The following SNTG1 variants were observed in gnomAD, a reference collection of about 807,000 sequenced individuals.
The protein encoded by SNTG1 is syntrophin gamma 1, also known as gamma-1-syntrophin.
SNTG1 carries 39 observed loss-of-function variants against 74.7 expected under a neutral mutation model. That is an observed-to-expected ratio of 0.52 (90% CI 0.40 to 0.68). The LOEUF (loss-of-function observed/expected upper bound fraction) is 0.68, where lower values mean the gene tolerates loss of function less well. Ranked by LOEUF, SNTG1 falls within the 30% of genes least tolerant of loss-of-function variation. The pLI is 0.00. For missense variants in SNTG1, 685 were observed against 609.5 expected (o/e 1.12, Z -1.30); for synonymous variants, 254 against 217.1 (o/e 1.17, Z -1.49).
intron 2 of SNTG1, among the ~76,000 whole-genome samples, chr8:50,334,664 A>T (rs1217848721): frequency 6.6e-6 from 1 of 152,214 alleles, no homozygotes; most frequent in Non-Finnish European, 1.5e-5. Context: ...AAGTCCAGAA[A>T]TGCCCATTGC....
chr8:50,598,510 G>A (rs986845488), intron 13 of SNTG1, among the ~76,000 whole-genome samples: 10 of 151,728 alleles, frequency 6.6e-5, no homozygotes, highest in Non-Finnish European at 8.8e-5. Context: ...AAGTCATGTC[G>A]TGTGATGCCT....
intron 2 of SNTG1, among the ~76,000 whole-genome samples, chr8:50,292,341 G>T (rs1009049361): frequency 2.6e-5 from 4 of 152,122 alleles, no homozygotes; most frequent in African/African-American, 9.7e-5. Context: ...GTGTAATGTG[G>T]TATGAGCCAA....
At chr8:50,081,107 A>C (rs1822362780) in intron 1 of SNTG1, among the ~76,000 whole-genome samples, 1 of 152,176 alleles carries the variant, frequency 6.6e-6, no homozygotes, top group South Asian at 2.1e-4. Context: ...ATGTATGCCC[A>C]CATATTTACC....
At chr8:50,695,391 ATAGTT>A (rs932441150) in intron 15 of SNTG1, among the ~76,000 whole-genome samples, 105 of 152,106 alleles carry the variant, frequency 6.9e-4, no homozygotes, top group African/African-American at 2.4e-3. Flanking sequence ...ACAGTCAAGT[ATAGTT>A]TATTTACTGA....
intron 1 of SNTG1, among the ~76,000 whole-genome samples, chr8:50,030,429 G>A (rs1393377971): frequency 1.9e-4 from 29 of 151,952 alleles, no homozygotes; most frequent in Non-Finnish European, 4.4e-5. Context: ...CTAGCTATAG[G>A]TCCCAAAGAT....
chr8:50,309,688 T>C (rs1397254925), intron 2 of SNTG1, among the ~76,000 whole-genome samples: 1 of 152,202 alleles, frequency 6.6e-6, no homozygotes, highest in African/African-American at 2.4e-5. Context: ...GGTATGCAGC[T>C]ATTTTAAAGA....
chr8:50,159,839 G>A (rs917445829), intron 1 of SNTG1, among the ~76,000 whole-genome samples: 12 of 152,068 alleles, frequency 7.9e-5, no homozygotes, highest in African/African-American at 2.9e-4. Context: ...TATATGACAA[G>A]GAATCACAGT....
At chr8:49,990,162 A>G (rs917841734) in intron 1 of SNTG1, among the ~76,000 whole-genome samples, 1 of 151,984 alleles carries the variant, frequency 6.6e-6, no homozygotes, top group African/African-American at 2.4e-5. Context: ...TAGAAATCAT[A>G]TGATCTTGTA....
intron 2 of SNTG1, among the ~76,000 whole-genome samples, chr8:50,260,464 C>T (rs188730755): frequency 2.0e-5 from 3 of 152,074 alleles, no homozygotes; most frequent in Admixed American, 1.3e-4. Flanking sequence ...CACTAAAGTA[C>T]TGTTGAATGC....
At chr8:50,287,152 T>C (rs1458128633) in intron 2 of SNTG1, among the ~76,000 whole-genome samples, 3 of 152,104 alleles carry the variant, frequency 2.0e-5, no homozygotes, top group Admixed American at 6.6e-5. Context: ...CCTGGCTTTC[T>C]TTCTCTCCCT....
intron 9 of SNTG1, among the ~76,000 whole-genome samples, chr8:50,525,770 CTG>C (rs2094214823): frequency 6.6e-6 from 1 of 151,344 alleles, no homozygotes; most frequent in African/African-American, 2.4e-5. Flanking sequence ...ATTTAGCTAT[CTG>C]TGTTTTTGTT....
chr8:50,327,115 G>T (rs1374262933), intron 2 of SNTG1, among the ~76,000 whole-genome samples: 1 of 151,988 alleles, frequency 6.6e-6, no homozygotes, highest in Non-Finnish European at 1.5e-5. Flanking sequence ...CCCAGAATCT[G>T]GTCTAACTTT....
At chr8:50,448,513 G>A (rs1396181989) in intron 5 of SNTG1, among the ~76,000 whole-genome samples, 1 of 152,108 alleles carries the variant, frequency 6.6e-6, no homozygotes, top group East Asian at 1.9e-4. Flanking sequence ...AATTCAGATT[G>A]TCTTTTCAAC....
chr8:50,769,569 CAG>C, intron 18 of SNTG1, among the ~76,000 whole-genome samples: 1 of 152,034 alleles, frequency 6.6e-6, no homozygotes, highest in Admixed American at 6.6e-5. Context: ...ACTGGAAAAA[CAG>C]AATTATCCTG....
intron 13 of SNTG1, among the ~76,000 whole-genome samples, chr8:50,648,453 A>T (rs1283487257): frequency 3.3e-5 from 5 of 152,126 alleles, no homozygotes; most frequent in Non-Finnish European, 7.4e-5. Context: ...GTTTTATCAG[A>T]CTGAATTAAA....
At chr8:50,593,585 G>C (rs914925771) in intron 13 of SNTG1, among the ~76,000 whole-genome samples, 9 of 151,726 alleles carry the variant, frequency 5.9e-5, no homozygotes. Flanking sequence ...AATAATCTTA[G>C]TTATTGCCTC....
At chr8:50,671,391 A>G (rs1185051809) in intron 15 of SNTG1, among the ~76,000 whole-genome samples, 1 of 151,790 alleles carries the variant, frequency 6.6e-6, no homozygotes, top group Non-Finnish European at 1.5e-5. Flanking sequence ...AAGGACATGA[A>G]CAGACACTTC....
chr8:50,763,648 T>TTGTG (rs141415804), intron 18 of SNTG1, among the ~76,000 whole-genome samples: 3,783 of 117,078 alleles, frequency 0.032, 71 homozygotes, highest in African/African-American at 0.052. Context: ...ATTGCCTTTA[T>TTGTG]TGTGTGTGTG....
chr8:50,418,473 C>A (rs1435139021), intron 4 of SNTG1, among the ~76,000 whole-genome samples: 1 of 151,970 alleles, frequency 6.6e-6, no homozygotes, highest in Non-Finnish European at 1.5e-5. Flanking sequence ...AAGCTTAGTT[C>A]TTTACGTTAT....
Sources: gnomAD v4.1 joint callset for allele counts (sites outside exome capture counted in the v4.1 genomes callset) on GRCh38, gnomAD v4.1.1 for gene constraint, MANE v1.5 for transcripts, NCBI Gene and HGNC (gene_info 2026-07-23, HGNC 2026-07-21) for gene names.